The following GALNT10 variants were observed in gnomAD, a reference collection of about 807,000 sequenced individuals.
The protein encoded by GALNT10 is GalNAc transferase 10.
In GALNT10, 41 loss-of-function variants were observed where a neutral mutation model predicts 75.0. The observed-to-expected ratio is 0.55, with a 90% CI of 0.43 to 0.71. The LOEUF is 0.71. Among genes scored for constraint, GALNT10 ranks in the 30% least tolerant of loss-of-function variants. The pLI is 0.00. For missense variants in GALNT10, 727 were observed against 818.5 expected, an observed-to-expected ratio of 0.89 and a Z score of 1.36; for synonymous variants, 302 against 313.0, an observed-to-expected ratio of 0.96 and a Z score of 0.37.
rs935006234 is a variant in GALNT10, at chr5:154,376,202, C to T, written c.569-75C>T. 54 of 929,688 alleles carry T rather than the reference C, an allele frequency of 5.8e-5. 1 individual carries two copies. The South Asian group carries it at 7.6e-4, about 13-fold the overall frequency. The allele number at this position is 929,688 out of a possible 1,614,324, so 57.6% of individuals were successfully genotyped here. Reference sequence around the variant, plus strand: ...TGTGTCTAGACTGTGAAGTGCAGTTCACATGTAAGGGAGGAGTCATAAGGA... The same window carrying T: ...TGTGTCTAGACTGTGAAGTGCAGTTTACATGTAAGGGAGGAGTCATAAGGA... On this transcript the variant is annotated intron_variant, in intron 4 of 11. Coordinates refer to ENST00000297107, the MANE Select transcript of GALNT10 (RefSeq NM_198321.4). This position sits in a 1 kb window ranked among gnomAD's most constrained non-coding sequence, Gnocchi z 4.1.
At chr5:154,254,939 A>G (rs1011281087) in intron 1 of GALNT10, among the ~76,000 whole-genome samples, 3 of 151,952 alleles carry the variant, frequency 2.0e-5, no homozygotes, top group African/African-American at 7.2e-5. Context: ...TTTTTCCTTC[A>G]GAGATGTAAG....
intron 1 of GALNT10, among the ~76,000 whole-genome samples, chr5:154,225,335 G>A (rs903378937): frequency 8.8e-5 from 13 of 147,192 alleles, no homozygotes; most frequent in African/African-American, 3.0e-4. Flanking sequence ...CTCGTGATCC[G>A]CCCACCTCGG....
At chr5:154,244,023 G>A (rs937254041) in intron 1 of GALNT10, among the ~76,000 whole-genome samples, 1 of 152,214 alleles carries the variant, frequency 6.6e-6, no homozygotes, top group African/African-American at 2.4e-5. Context: ...CACTCAGTGG[G>A]TGAGTAGCAG....
At chr5:154,374,039 A>T (rs1015924448) in intron 4 of GALNT10, among the ~76,000 whole-genome samples, 3 of 152,206 alleles carry the variant, frequency 2.0e-5, no homozygotes, top group African/African-American at 7.2e-5. Flanking sequence ...GGTGGTCACA[A>T]ACAATGACTA....
At chr5:154,336,835 C>CT (rs928992732) in intron 4 of GALNT10, among the ~76,000 whole-genome samples, 9 of 152,176 alleles carry the variant, frequency 5.9e-5, no homozygotes, top group Non-Finnish European at 1.3e-4. Context: ...TGCATTCACT[C>CT]TTTTATTATC....
rs550237181 is a variant in GALNT10, at chr5:154,264,825, C to T, written c.160-29991C>T. ...GATGAAATCAATTGCATTTCTAAGC[C>T]GTACAGACCCCCACTTAGCAGTTCT... On this transcript the variant is annotated intron_variant, in intron 1 of 11. Coordinates refer to ENST00000297107, the MANE Select transcript of GALNT10 (RefSeq NM_198321.4). Among the ~76,000 whole-genome samples the T allele has an allele frequency of 3.3e-5, 5 of 152,236 alleles. 1 individual carries two copies. The South Asian group carries it at 6.2e-4, about 19-fold the overall frequency.
At chr5:154,281,219 A>G (rs1010141803) in intron 1 of GALNT10, among the ~76,000 whole-genome samples, 1 of 152,186 alleles carries the variant, frequency 6.6e-6, no homozygotes, top group Non-Finnish European at 1.5e-5. Context: ...CCATTTATTT[A>G]GATCTTTGAT....
At position 154,282,648 on chromosome 5, in the gene GALNT10, G is replaced by A. The variant is rs189986350; in HGVS notation, c.160-12168G>A. Among the ~76,000 whole-genome samples the A allele has an allele frequency of 6.0e-3, 914 of 152,304 alleles. 5 individuals are homozygous for A. The highest frequency in any genetic ancestry group is 6.9e-3 in the Admixed American group (105 of 15,300). ...TAAAAATTATTTTAGGATCAGGTGA[G>A]CCAGCTCTCTTTTGAGCTTTGTAGC... On this transcript the variant is annotated intron_variant, in intron 1 of 11. Transcript: ENST00000297107.
chr5:154,340,451 G>A (rs1182519088), intron 4 of GALNT10, among the ~76,000 whole-genome samples: 1 of 152,100 alleles, frequency 6.6e-6, no homozygotes, highest in Non-Finnish European at 1.5e-5. Flanking sequence ...TGCCCCGCCT[G>A]CTAAATAAAA....
chr5:154,354,276 T>A (rs766904774), intron 4 of GALNT10, among the ~76,000 whole-genome samples: 1 of 152,028 alleles, frequency 6.6e-6, no homozygotes, highest in Non-Finnish European at 1.5e-5. Context: ...TCACTGACAG[T>A]TTATTTGGGG....
chr5:154,200,053 G>A (rs1015640961), intron 1 of GALNT10, among the ~76,000 whole-genome samples: 3 of 152,130 alleles, frequency 2.0e-5, no homozygotes, highest in African/African-American at 7.2e-5. Flanking sequence ...CGGTATCTGC[G>A]CCAGCCACTG....
chr5:154,197,103 T>C (rs766463553), intron 1 of GALNT10, among the ~76,000 whole-genome samples: 40 of 152,160 alleles, frequency 2.6e-4, no homozygotes, highest in Non-Finnish European at 4.6e-4. Context: ...GATGATTAGC[T>C]GTGTGGACCT....
chr5:154,309,538 T>C (rs1754482084), intron 3 of GALNT10, among the ~76,000 whole-genome samples: 1 of 152,058 alleles, frequency 6.6e-6, no homozygotes, highest in Admixed American at 6.5e-5. Context: ...TGAGAGTGAG[T>C]CAGTCCACAG....
At chr5:154,224,419 C>T (rs78493055) in intron 1 of GALNT10, among the ~76,000 whole-genome samples, 6,009 of 152,276 alleles carry the variant, frequency 0.039, 393 homozygotes, top group African/African-American at 0.14. Flanking sequence ...CCTTCTTCCT[C>T]GTCCATCTGT....
At chr5:154,286,284 C>T (rs1056042450) in intron 1 of GALNT10, among the ~76,000 whole-genome samples, 7 of 152,038 alleles carry the variant, frequency 4.6e-5, no homozygotes, top group Non-Finnish European at 8.8e-5. Context: ...TCATCATACA[C>T]TTAAGTTGAT....
At chr5:154,192,684 G>C (rs1260872020) in intron 1 of GALNT10, among the ~76,000 whole-genome samples, 1 of 152,172 alleles carries the variant, frequency 6.6e-6, no homozygotes, top group Non-Finnish European at 1.5e-5. Context: ...CTTGAGTCCA[G>C]AGTTCCTTGT....
intron 1 of GALNT10, among the ~76,000 whole-genome samples, chr5:154,248,484 T>A (rs1193614820): frequency 1.3e-5 from 2 of 152,230 alleles, no homozygotes; most frequent in Non-Finnish European, 2.9e-5. Context: ...TGCCTCAATT[T>A]CAGAGCCTGT....
intron 1 of GALNT10, among the ~76,000 whole-genome samples, chr5:154,242,534 C>T (rs10477095): frequency 0.27 from 40,711 of 152,066 alleles, 6,014 homozygotes; most frequent in African/African-American, 0.39. Flanking sequence ...TTAATAATAA[C>T]TGTGATCCTA....
chr5:154,261,536 C>A (rs1177283105), intron 1 of GALNT10, among the ~76,000 whole-genome samples: 1 of 152,182 alleles, frequency 6.6e-6, no homozygotes, highest in African/African-American at 2.4e-5. Context: ...TGTTCCATTG[C>A]TTTTCTTCCA....
Sources: gnomAD v4.1 joint callset for allele counts (sites outside exome capture counted in the v4.1 genomes callset) on GRCh38, gnomAD v4.1.1 for gene constraint, Gnocchi (gnomAD v3.1) non-coding constraint, MANE v1.5 for transcripts, NCBI Gene and HGNC (gene_info 2026-07-23, HGNC 2026-07-21) for gene names.